SLC39A12: variants seen among roughly 807,000 people sequenced by gnomAD.
SLC39A12 encodes solute carrier family 39 member 12.
In SLC39A12, 63 loss-of-function variants were observed where a neutral mutation model predicts 71.1. The observed-to-expected ratio is 0.89, with a 90% CI of 0.72 to 1.09. The LOEUF (loss-of-function observed/expected upper bound fraction) is 1.09, where lower values mean the gene tolerates loss of function less well. Among genes scored for constraint, SLC39A12 ranks in the 50% least tolerant of loss-of-function variants. The pLI is 0.00. For synonymous variants in SLC39A12, 351 were observed against 301.3 expected (o/e 1.16, Z -1.71); for missense variants, 892 against 812.6 (o/e 1.10, Z -1.19).
intron 2 of SLC39A12, among the ~76,000 whole-genome samples, chr10:17,957,011 T>G (rs1182099115): frequency 6.6e-6 from 1 of 151,828 alleles, no homozygotes; most frequent in Non-Finnish European, 1.5e-5. Context: ...ACCCCCCACC[T>G]CCGGAAAAGA....
At chr10:17,983,422 A>G (rs1284186264) in intron 6 of SLC39A12, among the ~76,000 whole-genome samples, 1 of 152,066 alleles carries the variant, frequency 6.6e-6, no homozygotes. Flanking sequence ...CAGCAGTTCA[A>G]GGCTGTAGTG....
intron 3 of SLC39A12, among the ~76,000 whole-genome samples, chr10:17,963,226 A>G (rs7896039): frequency 0.31 from 47,519 of 152,054 alleles, 7,807 homozygotes; most frequent in African/African-American, 0.39. Context: ...ACTGTTTTCT[A>G]CCTAAACCAG....
At chr10:17,986,963 C>A (rs1835414480) in intron 6 of SLC39A12, among the ~76,000 whole-genome samples, 1 of 152,116 alleles carries the variant, frequency 6.6e-6, no homozygotes, top group South Asian at 2.1e-4. Context: ...TATAATCACA[C>A]CACTCCACCC....
chr10:18,001,519 G>A (rs548687880), intron 11 of SLC39A12, among the ~76,000 whole-genome samples: 1 of 151,906 alleles, frequency 6.6e-6, no homozygotes. Flanking sequence ...ATCTCAAAAA[G>A]AAAAACAAAA....
intron 12 of SLC39A12, among the ~76,000 whole-genome samples, chr10:18,036,035 C>T (rs909328442): frequency 1.3e-5 from 2 of 152,122 alleles, no homozygotes; most frequent in African/African-American, 4.8e-5. Context: ...GCTGGGAGAA[C>T]CACTGCTCTC....
rs1246865217 is a variant in SLC39A12, at chr10:18,041,587, C to T, written c.1948-1118C>T. Among the ~76,000 whole-genome samples, 25 of 127,942 alleles carry T rather than the reference C, an allele frequency of 2.0e-4. 1 individual carries two copies. The highest frequency in any genetic ancestry group is 7.2e-4 in the African/African-American group (22 of 30,404). The allele number at this position is 127,942 out of a possible 152,430, so 83.9% of individuals were successfully genotyped here. On this transcript the variant is annotated intron_variant, in intron 12 of 12. Transcript: ENST00000377369. ...ACATACACACACACATACATACACA[C>T]ACCATATATATGTGTATATATATGT... is the stretch of plus-strand genomic sequence containing the variant.
intron 12 of SLC39A12, among the ~76,000 whole-genome samples, chr10:18,034,744 G>A (rs1476731883): frequency 1.3e-4 from 20 of 151,462 alleles, no homozygotes; most frequent in Non-Finnish European, 1.9e-4. Context: ...TCCTAGTCTC[G>A]ATGGTCTTTA....
chr10:17,996,511 C>T (rs942092712), intron 10 of SLC39A12, among the ~76,000 whole-genome samples: 1 of 152,172 alleles, frequency 6.6e-6, no homozygotes. Context: ...GTGAAAATAG[C>T]TAACACGTAT....
chr10:17,996,793 C>T (rs1268221393), intron 10 of SLC39A12, among the ~76,000 whole-genome samples: 2 of 151,890 alleles, frequency 1.3e-5, no homozygotes, highest in Non-Finnish European at 2.9e-5. Flanking sequence ...GTCAGGAGAT[C>T]GAGACCATCC....
intron 7 of SLC39A12, among the ~76,000 whole-genome samples, chr10:17,988,991 A>T (rs1023024929): frequency 6.6e-6 from 1 of 152,194 alleles, no homozygotes; most frequent in Non-Finnish European, 1.5e-5. Flanking sequence ...TCACAGTGGA[A>T]TTCTCCTTCT....
chr10:18,020,677 T>C (rs1290255215), intron 12 of SLC39A12, among the ~76,000 whole-genome samples: 2 of 152,136 alleles, frequency 1.3e-5, no homozygotes, highest in Non-Finnish European at 2.9e-5. Flanking sequence ...GGGTATGAGA[T>C]GGTGTGTCAT....
chr10:18,003,524 C>T, intron 12 of SLC39A12, 166 bp downstream of exon 12: 2 of 553,262 alleles, frequency 3.6e-6, no homozygotes, highest in South Asian at 9.0e-5. Context: ...GCATTCTGGG[C>T]AGAAAGAACA....
At chr10:17,977,529 C>G (rs952082325) in intron 4 of SLC39A12, among the ~76,000 whole-genome samples, 5 of 152,132 alleles carry the variant, frequency 3.3e-5, no homozygotes, top group African/African-American at 1.2e-4. Flanking sequence ...AAAACAAGAT[C>G]TAGTTTGTTT....
chr10:18,021,430 A>G (rs556723972), intron 12 of SLC39A12, among the ~76,000 whole-genome samples: 42 of 152,134 alleles, frequency 2.8e-4, no homozygotes, highest in African/African-American at 9.9e-4. Flanking sequence ...GTCTAAGATA[A>G]GAATAGCAGC....
In SLC39A12 at chr10:18,003,543, G is replaced by A; in HGVS notation, c.1947+185G>A. 1.3e-5 allele frequency: 7 copies of A among 522,772 alleles called. 1 individual carries two copies. In the South Asian group the frequency reaches 2.3e-4, roughly 17 times the overall value. The allele number at this position is 522,772 out of a possible 1,614,324, so 32.4% of individuals were successfully genotyped here. A position where few individuals can be genotyped will look rare whatever the true frequency, so the allele number is the denominator to read the frequency against. ...TCTGGGCAGAAAGAACATAATTTGG[G>A]TACAGAAAATACTGACATTTTCTGT... On this transcript the variant is annotated intron_variant, in intron 12 of 12. Coordinates refer to ENST00000377369, the MANE Select transcript of SLC39A12 (RefSeq NM_001145195.2).
chr10:17,973,931 A>G (rs1028532555), intron 4 of SLC39A12, among the ~76,000 whole-genome samples: 12 of 149,788 alleles, frequency 8.0e-5, no homozygotes, highest in Admixed American at 2.7e-4. Context: ...TCCTCTGTGT[A>G]TTTTCAAATA....
At chr10:17,959,630 A>G (rs769851051) in intron 2 of SLC39A12, among the ~76,000 whole-genome samples, 2 of 152,266 alleles carry the variant, frequency 1.3e-5, no homozygotes, top group African/African-American at 2.4e-5. Context: ...CTCTGTGGCT[A>G]TGTCGTGGGG....
rs782035582 is a variant in SLC39A12 at position 17,953,335 on chromosome 10, G to A, written c.59G>A (p.Arg20His). 6.8e-6 allele frequency: 11 copies of A among 1,614,150 alleles called. No individual in the cohort carries two copies. In the South Asian group the frequency reaches 7.7e-5, roughly 11 times the overall value. The change falls in exon 2 of 13, where the codon CGT (arginine) becomes CAT (histidine). Residue 20 changes from arginine to histidine, a missense_variant. Arg to His is a conservative substitution (Grantham distance 29, BLOSUM62 0). Transcript: ENST00000377369. ...SWVPLFLLLS[R>H]VFSTETDKPS... ...GTGCCATTGTTTCTTCTACTCAGCC[G>A]TGTTTTTTCTACTGAGACAGACAAA... is the stretch of plus-strand genomic sequence containing the variant.
chr10:17,997,902 A>G (rs1008513040), intron 10 of SLC39A12, among the ~76,000 whole-genome samples: 1 of 152,242 alleles, frequency 6.6e-6, no homozygotes, highest in Non-Finnish European at 1.5e-5. Flanking sequence ...ATGGAACTCA[A>G]TATGACTGCC....
Sources: gnomAD v4.1 joint callset for allele counts (sites outside exome capture counted in the v4.1 genomes callset) on GRCh38, gnomAD v4.1.1 for gene constraint, MANE v1.5 for transcripts, NCBI Gene and HGNC (gene_info 2026-07-23, HGNC 2026-07-21) for gene names.